Variants in MROH2B observed in about 807,000 individuals in gnomAD.
MROH2B encodes maestro heat-like repeat-containing protein family member 2B.
In MROH2B, 177 loss-of-function variants were observed where a neutral mutation model predicts 208.6. That is an observed-to-expected ratio of 0.85 (90% CI 0.75 to 0.96). The LOEUF is 0.96. Among genes scored for constraint, MROH2B ranks in the 40% least tolerant of loss-of-function variants. The pLI, the probability that MROH2B is intolerant of heterozygous loss-of-function variation, is 0.00. For missense variants in MROH2B, 2,002 were observed against 1,878.7 expected, an observed-to-expected ratio of 1.07 and a Z score of -1.21; for synonymous variants, 728 against 659.0, an observed-to-expected ratio of 1.10 and a Z score of -1.60.
intron 19 of MROH2B, among the ~76,000 whole-genome samples, chr5:41,041,654 ATCT>A (rs1309928601): frequency 6.6e-6 from 1 of 152,040 alleles, no homozygotes; most frequent in Non-Finnish European, 1.5e-5. Context: ...CAAAATACAC[ATCT>A]TCTCCTTCCT....
chr5:41,000,065 T>C, intron 39 of MROH2B, 155 bp downstream of exon 39: 1 of 982,350 alleles, frequency 1.0e-6, no homozygotes, highest in Non-Finnish European at 1.5e-6. Flanking sequence ...GATACCTCTA[T>C]GTCACTATAT....
At chr5:41,018,588 A>G in intron 26 of MROH2B, 103 bp downstream of exon 26, 5 of 1,465,564 alleles carry the variant, frequency 3.4e-6, no homozygotes, top group Non-Finnish European at 4.7e-6. Context: ...GGGTGGGTCC[A>G]GCTGGATGTC....
intron 24 of MROH2B, among the ~76,000 whole-genome samples, chr5:41,019,462 A>C (rs146975304): frequency 1.3e-5 from 2 of 152,226 alleles, no homozygotes; most frequent in East Asian, 3.8e-4. Flanking sequence ...TCATGTTCTA[A>C]ATAGTGACAC....
intron 28 of MROH2B, among the ~76,000 whole-genome samples, chr5:41,015,862 T>G (rs1741932109): frequency 6.6e-6 from 1 of 152,212 alleles, no homozygotes; most frequent in Non-Finnish European, 1.5e-5. Context: ...CTGCTATCTC[T>G]CTTGGATTTC....
chr5:41,060,828 A>G (rs774955164), intron 6 of MROH2B, among the ~76,000 whole-genome samples: 1 of 152,240 alleles, frequency 6.6e-6, no homozygotes, highest in Non-Finnish European at 1.5e-5. Flanking sequence ...GTTGCTAACG[A>G]TTTAACTACC....
chr5:41,065,779 G>A (rs1332918408), intron 3 of MROH2B, among the ~76,000 whole-genome samples: 1 of 152,046 alleles, frequency 6.6e-6, no homozygotes, highest in African/African-American at 2.4e-5. Context: ...TTTTAAAAGT[G>A]CAATCAAGTT....
chr5:41,010,287 TGTGAAAGG>T (rs1579907160), intron 30 of MROH2B, among the ~76,000 whole-genome samples: 2 of 152,238 alleles, frequency 1.3e-5, no homozygotes, highest in Non-Finnish European at 2.9e-5. Context: ...GGAAACATTT[TGTGAAAGG>T]GTGTATTATG....
At chr5:41,012,800 C>A in intron 29 of MROH2B, 65 bp from the exon 30 acceptor site, 1 of 1,585,266 alleles carries the variant, frequency 6.3e-7, no homozygotes. Flanking sequence ...ATACTTACAA[C>A]ATGCTGTTGT....
At chr5:41,048,114 T>G in intron 16 of MROH2B, 1 of 531,690 alleles carries the variant, frequency 1.9e-6, no homozygotes, top group Non-Finnish European at 3.1e-6. Flanking sequence ...CTGCTAAGAA[T>G]GTTACCTACT....
At chr5:41,031,723 T>C (rs1742577554) in intron 24 of MROH2B, among the ~76,000 whole-genome samples, 1 of 152,016 alleles carries the variant, frequency 6.6e-6, no homozygotes, top group East Asian at 1.9e-4. Flanking sequence ...GTTTTTAAAT[T>C]CTCACCCTCC....
At chr5:41,054,923 T>A in intron 10 of MROH2B, 83 bp from the exon 11 acceptor site, 1 of 918,066 alleles carries the variant, frequency 1.1e-6, no homozygotes, top group Non-Finnish European at 1.6e-6. Flanking sequence ...CTATTAGAAT[T>A]ATGGCACATA....
Position 41,012,674 on chromosome 5 carries a change from C to T in MROH2B, c.3044G>A (p.Gly1015Asp), listed in dbSNP as rs763027330. The T allele has an allele frequency of 9.3e-6, 15 of 1,613,888 alleles. No homozygotes were observed. In the South Asian group the frequency reaches 1.4e-4, roughly 15 times the overall value. The stretch of plus-strand genomic sequence containing the variant: ...ACAAGTGGGGTTGAGGCTCTCCAGA[C>T]CGTCCAGCATTTCCTCTAGGAACAT... ...ILMFLEEMLD[G>D]LESLNPTCTK... Residue 1015 changes from glycine (G) to aspartate (D), a missense_variant, in exon 30 of 42, where the codon GGT (glycine) becomes GAT (aspartate). By Grantham distance (94) the Gly-to-Asp change is moderately conservative. Transcript: ENST00000399564.
At chr5:41,000,469 T>C (rs1278049309) in intron 38 of MROH2B, 118 bp from the exon 39 acceptor site, 18 of 1,402,238 alleles carry the variant, frequency 1.3e-5, no homozygotes, top group Non-Finnish European at 1.6e-5. Context: ...TGAATGGCTT[T>C]ATAGTCATTG....
At chr5:41,005,388 C>T (rs1397579506) in intron 35 of MROH2B, 143 bp downstream of exon 35, 3 of 592,940 alleles carry the variant, frequency 5.1e-6, no homozygotes, top group Non-Finnish European at 8.8e-6. Context: ...ATATATCTGG[C>T]AGTAGCTGGT....
intron 18 of MROH2B, 63 bp downstream of exon 18, chr5:41,045,683 G>T: frequency 1.6e-6 from 2 of 1,227,330 alleles, no homozygotes; most frequent in Non-Finnish European, 2.4e-6. Flanking sequence ...ACAAGATGGA[G>T]CTAGAGCAGC....
intron 29 of MROH2B, among the ~76,000 whole-genome samples, chr5:41,013,644 G>A (rs1373419370): frequency 6.6e-6 from 1 of 152,136 alleles, no homozygotes; most frequent in African/African-American, 2.4e-5. Context: ...ACTATACCAT[G>A]GCTACCATTC....
At chr5:41,042,950 AT>A in intron 18 of MROH2B, among the ~76,000 whole-genome samples, 1 of 152,194 alleles carries the variant, frequency 6.6e-6, no homozygotes, top group East Asian at 1.9e-4. Context: ...GGTTCAAATC[AT>A]TCCTAGCTAT....
At chr5:41,018,062 T>C in intron 27 of MROH2B, 92 bp from the exon 28 acceptor site, 7 of 1,437,526 alleles carry the variant, frequency 4.9e-6, no homozygotes, top group Non-Finnish European at 6.5e-6. Context: ...TCTTATTTTC[T>C]CTCTGCAGGT....
At chr5:41,069,645 C>T (rs1182687072) in intron 2 of MROH2B, 46 bp downstream of exon 2, 1 of 1,433,114 alleles carries the variant, frequency 7.0e-7, no homozygotes, top group Admixed American at 2.0e-5. Context: ...AATGTTGCAA[C>T]AAGAAGACTG....
Sources: gnomAD v4.1 joint callset for allele counts (sites outside exome capture counted in the v4.1 genomes callset) on GRCh38, gnomAD v4.1.1 for gene constraint, MANE v1.5 for transcripts, NCBI Gene and HGNC (gene_info 2026-07-23, HGNC 2026-07-21) for gene names.